The following SORCS2 variants were observed in gnomAD, a reference collection of about 807,000 sequenced individuals.
SORCS2 encodes the protein VPS10 domain-containing receptor SorCS2.
In SORCS2, 100 loss-of-function variants were observed where a neutral mutation model predicts 141.6. That is an observed-to-expected ratio of 0.71 (90% CI 0.60 to 0.83). The LOEUF is 0.83. Among genes scored for constraint, SORCS2 ranks in the 40% least tolerant of loss-of-function variants. The pLI is 0.00. For synonymous variants in SORCS2, 789 were observed against 676.9 expected (o/e 1.17, Z -2.57); for missense variants, 1,646 against 1,560.2 (o/e 1.05, Z -0.93).
intron 1 of SORCS2, among the ~76,000 whole-genome samples, chr4:7,283,495 A>G (rs1716018903): frequency 1.3e-5 from 2 of 152,222 alleles, no homozygotes; most frequent in African/African-American, 2.4e-5. Flanking sequence ...GGGGGTCTGG[A>G]GTGATTCCAG....
chr4:7,706,904 C>T (rs1349710410), intron 14 of SORCS2, among the ~76,000 whole-genome samples: 6 of 152,206 alleles, frequency 3.9e-5, no homozygotes, highest in Non-Finnish European at 7.3e-5. Context: ...CCCTGAGCTC[C>T]CCTGGCTGCT....
intron 18 of SORCS2, among the ~76,000 whole-genome samples, chr4:7,720,448 A>C (rs1270291452): frequency 6.6e-6 from 1 of 152,228 alleles, no homozygotes; most frequent in Non-Finnish European, 1.5e-5. Flanking sequence ...ATCTAGGGCT[A>C]GGAGAGGAGT....
At chr4:7,381,077 G>C (rs565060857) in intron 1 of SORCS2, among the ~76,000 whole-genome samples, 7 of 80,720 alleles carry the variant, frequency 8.7e-5, no homozygotes, top group African/African-American at 3.7e-4. Context: ...GCAAGACTCT[G>C]TCTCCAAAAA....
chr4:7,633,164 G>T (rs1369072674), intron 3 of SORCS2, among the ~76,000 whole-genome samples: 1 of 152,128 alleles, frequency 6.6e-6, no homozygotes, highest in East Asian at 1.9e-4. Context: ...CAGGAGTGGG[G>T]GTGTCTTGGT....
intron 1 of SORCS2, chr4:7,310,351 A>G (rs1180728664): frequency 6.5e-6 from 1 of 154,260 alleles, no homozygotes; most frequent in Non-Finnish European, 1.5e-5. Context: ...GGGGAGTGAC[A>G]CCAGCAGGGC....
intron 1 of SORCS2, among the ~76,000 whole-genome samples, chr4:7,234,661 T>G (rs1639642963): frequency 6.6e-6 from 1 of 152,226 alleles, no homozygotes; most frequent in Non-Finnish European, 1.5e-5. Context: ...CTCTAGGATC[T>G]GTCTCCTTGG....
chr4:7,457,160 G>A lies in SORCS2; in HGVS notation c.548+60805G>A, dbSNP rs545376673. Among the ~76,000 whole-genome samples, 4 of 152,248 alleles carry A rather than the reference G, an allele frequency of 2.6e-5. No homozygotes were observed. The East Asian group carries it at 5.8e-4, about 22-fold the overall frequency. ...GAGTGAACAGCACACGACAGCCCCC[G>A]GACAGATTCCCCGCCACCAGTTAGC... On this transcript the variant is annotated intron_variant, in intron 2 of 26. Transcript: ENST00000507866.
At chr4:7,263,327 C>T (rs1560149174) in intron 1 of SORCS2, among the ~76,000 whole-genome samples, 1 of 152,178 alleles carries the variant, frequency 6.6e-6, no homozygotes, top group Non-Finnish European at 1.5e-5. Flanking sequence ...CCGGTCCCCT[C>T]CCTGGTTTCC....
chr4:7,331,406 T>C (rs918260269), intron 1 of SORCS2, among the ~76,000 whole-genome samples: 1 of 152,080 alleles, frequency 6.6e-6, no homozygotes, highest in Admixed American at 6.5e-5. Flanking sequence ...GCTGCAGGTA[T>C]GGACCCCACA....
intron 1 of SORCS2, among the ~76,000 whole-genome samples, chr4:7,393,544 G>A (rs947182649): frequency 3.3e-5 from 5 of 152,132 alleles, no homozygotes; most frequent in Admixed American, 6.5e-5. Context: ...TAGCTCTGCC[G>A]CTTGCTGAGT....
intron 1 of SORCS2, among the ~76,000 whole-genome samples, chr4:7,256,137 C>T (rs1475526819): frequency 3.9e-5 from 6 of 152,138 alleles, no homozygotes; most frequent in African/African-American, 1.4e-4. Context: ...TGCCAGGAGG[C>T]CATGGGTGTC....
At chr4:7,637,688 C>A (rs561596347) in intron 3 of SORCS2, among the ~76,000 whole-genome samples, 1 of 152,088 alleles carries the variant, frequency 6.6e-6, no homozygotes, top group Non-Finnish European at 1.5e-5. Context: ...GGGCCCAGCC[C>A]AGGCACTCAT....
chr4:7,384,131 C>T (rs1723149965), intron 1 of SORCS2, among the ~76,000 whole-genome samples: 1 of 152,158 alleles, frequency 6.6e-6, no homozygotes. Flanking sequence ...CCTGCAGAGG[C>T]CCTTGGTGGA....
intron 1 of SORCS2, among the ~76,000 whole-genome samples, chr4:7,273,419 T>C (rs2108846007): frequency 6.6e-6 from 1 of 152,274 alleles, no homozygotes; most frequent in African/African-American, 2.4e-5. Context: ...CCATCATTGC[T>C]GGAGGGCTGC....
intron 3 of SORCS2, among the ~76,000 whole-genome samples, chr4:7,559,940 C>T (rs550750524): frequency 6.6e-6 from 1 of 152,360 alleles, no homozygotes; most frequent in Non-Finnish European, 1.5e-5. Flanking sequence ...CTTTATTTCT[C>T]ACTATTCTGG....
intron 4 of SORCS2, among the ~76,000 whole-genome samples, chr4:7,645,498 T>TGTGG (rs1017054440): frequency 1.4e-5 from 2 of 145,748 alleles, no homozygotes; most frequent in Non-Finnish European, 2.9e-5. Context: ...TGTGAGTGTG[T>TGTGG]GTGGGTGTGT....
intron 2 of SORCS2, among the ~76,000 whole-genome samples, chr4:7,471,080 G>A (rs987937898): frequency 2.0e-5 from 3 of 152,216 alleles, no homozygotes; most frequent in Non-Finnish European, 4.4e-5. Context: ...TAGGTGGAGG[G>A]AACAGCTAGG....
chr4:7,228,363 G>A (rs567476562), intron 1 of SORCS2, among the ~76,000 whole-genome samples: 9 of 152,284 alleles, frequency 5.9e-5, no homozygotes, highest in African/African-American at 2.2e-4. Context: ...TGGGTTTTGA[G>A]GGGACACAGT....
chr4:7,293,511 C>T (rs1016921796), intron 1 of SORCS2, among the ~76,000 whole-genome samples: 5 of 152,094 alleles, frequency 3.3e-5, no homozygotes, highest in African/African-American at 9.7e-5. Context: ...ATTTTTGGCT[C>T]CCCTGAGTGT....
Sources: allele counts gnomAD v4.1 joint callset (sites outside exome capture counted in the v4.1 genomes callset), GRCh38; gene constraint gnomAD v4.1.1; transcripts MANE v1.5; gene names NCBI Gene and HGNC (gene_info 2026-07-23, HGNC 2026-07-21).